Variants in ZNF804B observed in about 807,000 individuals in gnomAD.
ZNF804B encodes zinc finger protein 804B.
Under a neutral mutation model 101.4 loss-of-function variants are expected in ZNF804B, and 80 were observed. The ratio of observed to expected loss-of-function variants is 0.79; its 90% confidence interval spans 0.66 to 0.95. The LOEUF (loss-of-function observed/expected upper bound fraction) is 0.95. Among genes scored for constraint, ZNF804B ranks in the 40% least tolerant of loss-of-function variants. The pLI is 0.00. For missense variants in ZNF804B, 1,673 were observed against 1,561.9 expected (o/e 1.07, Z -1.20); for synonymous variants, 622 against 558.8 (o/e 1.11, Z -1.59).
intron 1 of ZNF804B, among the ~76,000 whole-genome samples, chr7:88,943,350 T>G (rs1793081697): frequency 6.6e-6 from 1 of 151,828 alleles, no homozygotes; most frequent in Non-Finnish European, 1.5e-5. Context: ...GCATAGGTAT[T>G]GGGGGAAATG....
At chr7:88,973,991 T>C (rs1237664715) in intron 1 of ZNF804B, among the ~76,000 whole-genome samples, 1 of 151,380 alleles carries the variant, frequency 6.6e-6, no homozygotes, top group Non-Finnish European at 1.5e-5. Context: ...CTGAGTTTAT[T>C]TGAAGTCTCA....
chr7:89,028,095 G>T (rs577527459), intron 1 of ZNF804B, among the ~76,000 whole-genome samples: 6 of 152,170 alleles, frequency 3.9e-5, no homozygotes, highest in Non-Finnish European at 8.8e-5. Context: ...TGTGACCTTT[G>T]AAACATTTGA....
At chr7:88,940,807 TAG>T (rs1793045110) in intron 1 of ZNF804B, among the ~76,000 whole-genome samples, 8 of 144,842 alleles carry the variant, frequency 5.5e-5, no homozygotes, top group African/African-American at 2.1e-4. Context: ...ATAATAATAA[TAG>T]AATGTATCTC....
At chr7:88,942,158 T>C (rs566676663) in intron 1 of ZNF804B, among the ~76,000 whole-genome samples, 1 of 152,032 alleles carries the variant, frequency 6.6e-6, no homozygotes, top group South Asian at 2.1e-4. Flanking sequence ...TCTTATCTCA[T>C]ATCCTAGACT....
chr7:89,298,214 G>GTATATATA (rs1187893918), intron 2 of ZNF804B, among the ~76,000 whole-genome samples: 61 of 58,660 alleles, frequency 1.0e-3, no homozygotes, highest in Non-Finnish European at 1.2e-3. Flanking sequence ...GTGTGTGTGT[G>GTATATATA]TGTATATATA....
intron 1 of ZNF804B, among the ~76,000 whole-genome samples, chr7:89,024,096 G>T (rs1031562723): frequency 1.1e-4 from 17 of 152,246 alleles, no homozygotes; most frequent in African/African-American, 4.1e-4. Context: ...CTGCCAAACA[G>T]CTGTGATTTT....
chr7:89,068,802 G>C (rs1205958774), intron 1 of ZNF804B, among the ~76,000 whole-genome samples: 1 of 152,202 alleles, frequency 6.6e-6, no homozygotes. Context: ...CCAGTGTTTT[G>C]TTAGACTAGT....
intron 1 of ZNF804B, among the ~76,000 whole-genome samples, chr7:88,878,931 C>G (rs948045893): frequency 6.6e-6 from 1 of 152,060 alleles, no homozygotes; most frequent in South Asian, 2.1e-4. Flanking sequence ...GCCCAAATAC[C>G]TTATGCTTCC....
rs948461945 is a variant in ZNF804B at position 89,004,115 on chromosome 7, A to G, written c.109-214040A>G. ...TCAGATTTTATTTTTATTGTGGGCA[A>G]GGACTGGTGGACTTGGCACTGGTAA... On this transcript the variant is annotated intron_variant, in intron 1 of 3. Transcript: ENST00000333190. 9.2e-5 allele frequency among the ~76,000 whole-genome samples: 14 copies of G among 151,698 alleles called. No individual in the cohort carries two copies. In the East Asian group the frequency reaches 2.3e-3, roughly 25 times the overall value.
chr7:88,887,600 C>T (rs1041394310), intron 1 of ZNF804B, among the ~76,000 whole-genome samples: 1 of 152,084 alleles, frequency 6.6e-6, no homozygotes, highest in African/African-American at 2.4e-5. Context: ...AGCCTTATTT[C>T]TGAGCTCTCT....
intron 1 of ZNF804B, among the ~76,000 whole-genome samples, chr7:88,798,198 T>C (rs1790521226): frequency 1.3e-5 from 2 of 152,194 alleles, no homozygotes; most frequent in South Asian, 4.1e-4. Context: ...TACCTTTTAC[T>C]CCTATCAAAA....
intron 1 of ZNF804B, among the ~76,000 whole-genome samples, chr7:89,176,943 T>C (rs1791332187): frequency 6.6e-6 from 1 of 152,150 alleles, no homozygotes; most frequent in Non-Finnish European, 1.5e-5. Flanking sequence ...CATAGTAGTC[T>C]GTAATGATTA....
At chr7:89,194,838 A>C (rs1270891677) in intron 1 of ZNF804B, among the ~76,000 whole-genome samples, 1 of 151,796 alleles carries the variant, frequency 6.6e-6, no homozygotes, top group African/African-American at 2.4e-5. Flanking sequence ...AGTTTTTTCC[A>C]ATTCTGTGAA....
intron 1 of ZNF804B, among the ~76,000 whole-genome samples, chr7:88,821,379 A>T (rs1790978822): frequency 6.6e-6 from 1 of 152,184 alleles, no homozygotes; most frequent in African/African-American, 2.4e-5. Context: ...ACTTTACTCG[A>T]TATTTTCAGT....
At chr7:88,842,806 C>T (rs1449606812) in intron 1 of ZNF804B, among the ~76,000 whole-genome samples, 1 of 152,156 alleles carries the variant, frequency 6.6e-6, no homozygotes, top group East Asian at 1.9e-4. Flanking sequence ...GTTAAAGAAA[C>T]TCACCTGGTA....
intron 1 of ZNF804B, among the ~76,000 whole-genome samples, chr7:88,944,815 T>G (rs923427643): frequency 1.3e-5 from 2 of 151,894 alleles, no homozygotes; most frequent in African/African-American, 4.8e-5. Flanking sequence ...CAGACTCAAG[T>G]AGAAAATTCT....
chr7:89,236,751 A>G (rs941634245), intron 2 of ZNF804B, among the ~76,000 whole-genome samples: 2 of 152,136 alleles, frequency 1.3e-5, no homozygotes, highest in Non-Finnish European at 2.9e-5. Context: ...GCTTTTATAT[A>G]AGGAAATGAA....
intron 1 of ZNF804B, among the ~76,000 whole-genome samples, chr7:89,035,488 G>T (rs1262378583): frequency 6.6e-6 from 1 of 152,022 alleles, no homozygotes; most frequent in Non-Finnish European, 1.5e-5. Context: ...TTATGTGTGT[G>T]TGTGTATGTT....
intron 1 of ZNF804B, among the ~76,000 whole-genome samples, chr7:89,188,989 A>G (rs1011872953): frequency 6.6e-6 from 1 of 152,186 alleles, no homozygotes; most frequent in Non-Finnish European, 1.5e-5. Flanking sequence ...ACCGGTTTTC[A>G]ATGGCAGATG....
Sources: gnomAD v4.1 joint callset for allele counts (sites outside exome capture counted in the v4.1 genomes callset) on GRCh38, gnomAD v4.1.1 for gene constraint, MANE v1.5 for transcripts, NCBI Gene and HGNC (gene_info 2026-07-23, HGNC 2026-07-21) for gene names.